The following TECR variants were observed in gnomAD, a reference collection of about 807,000 sequenced individuals.
The protein encoded by TECR is very-long-chain enoyl-CoA reductase.
Under a neutral mutation model 50.6 loss-of-function variants are expected in TECR, and 19 were observed. The ratio of observed to expected loss-of-function variants is 0.38; its 90% CI spans 0.26 to 0.55. The LOEUF (loss-of-function observed/expected upper bound fraction) is 0.55, where lower values mean the gene tolerates loss of function less well. Ranked by LOEUF, TECR falls within the 20% of genes least tolerant of loss-of-function variation. TECR has a pLI of 0.79. For synonymous variants in TECR, 168 were observed against 163.5 expected, an observed-to-expected ratio of 1.03 and a Z score of -0.21; for missense variants, 313 against 408.3, an observed-to-expected ratio of 0.77 and a Z score of 2.01.
chr19:14,551,295 G>C (rs931645650), intron 1 of TECR, among the ~76,000 whole-genome samples: 1 of 151,664 alleles, frequency 6.6e-6, no homozygotes, highest in Non-Finnish European at 1.5e-5. Flanking sequence ...GGCTACTCTC[G>C]AACTCCTGAC....
chr19:14,558,904 AGC>A (rs1232499280), intron 1 of TECR, among the ~76,000 whole-genome samples: 1 of 152,162 alleles, frequency 6.6e-6, no homozygotes, highest in African/African-American at 2.4e-5. Flanking sequence ...GGCTCTGTTC[AGC>A]AGCTGCCTGT....
intron 1 of TECR, among the ~76,000 whole-genome samples, chr19:14,552,256 C>T (rs2073553918): frequency 6.7e-6 from 1 of 149,268 alleles, no homozygotes; most frequent in Non-Finnish European, 1.5e-5. Context: ...GCAGCCTTGA[C>T]CTCCCGGGCT....
intron 1 of TECR, 69 bp downstream of exon 1, chr19:14,529,780 CG>C: frequency 1.2e-6 from 2 of 1,607,190 alleles, no homozygotes; most frequent in Non-Finnish European, 1.7e-6. Context: ...TGCGGGACCA[CG>C]GGACCCCACT....
chr19:14,560,560 G>A (rs1356213586), intron 1 of TECR, among the ~76,000 whole-genome samples: 13 of 152,220 alleles, frequency 8.5e-5, no homozygotes, highest in Non-Finnish European at 1.5e-4. Context: ...TGGTGTGACC[G>A]AGCTCTTTTT....
chr19:14,552,828 G>A (rs2073581159), intron 1 of TECR, among the ~76,000 whole-genome samples: 2 of 152,076 alleles, frequency 1.3e-5, no homozygotes, highest in African/African-American at 4.8e-5. Context: ...GAGCCACTGC[G>A]CCCGGCCCAG....
At chr19:14,536,174 C>G (rs2072891030) in intron 1 of TECR, among the ~76,000 whole-genome samples, 1 of 151,996 alleles carries the variant, frequency 6.6e-6, no homozygotes, top group Non-Finnish European at 1.5e-5. Context: ...GGTGGCAATG[C>G]TTACGGGCTT....
In TECR at chr19:14,559,936, G is replaced by A. The variant is rs760528057; in HGVS notation, c.16-2589G>A. Among the ~76,000 whole-genome samples the A allele has an allele frequency of 4.6e-5, 7 of 152,162 alleles. No homozygotes were observed. In the East Asian group the frequency reaches 7.7e-4, roughly 17 times the overall value. ...GGCAGGAAATGGGAGACGGACGGCC[G>A]TCCCACTGAGGACTCATCCTGCCCA... On this transcript the variant is annotated intron_variant, in intron 1 of 12. Transcript: ENST00000215567.
At chr19:14,564,609 C>T (rs1211799559) in intron 7 of TECR, 177 bp from the exon 8 acceptor site, 2 of 664,914 alleles carry the variant, frequency 3.0e-6, no homozygotes, top group East Asian at 2.8e-5. Flanking sequence ...TCCACCACGC[C>T]CTCACAGAGC....
intron 1 of TECR, among the ~76,000 whole-genome samples, chr19:14,539,777 A>C (rs1599428223): frequency 6.6e-6 from 1 of 151,228 alleles, no homozygotes; most frequent in Admixed American, 6.6e-5. Flanking sequence ...CCCCAGAGAG[A>C]CCTTCCTTGG....
chr19:14,538,369 G>A (rs1253753437), intron 1 of TECR, among the ~76,000 whole-genome samples: 1 of 152,064 alleles, frequency 6.6e-6, no homozygotes, highest in East Asian at 1.9e-4. Context: ...GGGGCCTGTG[G>A]GGGAGTGTGA....
intron 1 of TECR, among the ~76,000 whole-genome samples, chr19:14,553,804 G>A (rs530891760): frequency 6.8e-4 from 103 of 152,300 alleles, no homozygotes; most frequent in Non-Finnish European, 1.2e-3. Flanking sequence ...AGGGAGCTCA[G>A]GCGATGAGTG....
chr19:14,552,506 T>C (rs1376133032), intron 1 of TECR, among the ~76,000 whole-genome samples: 5 of 151,700 alleles, frequency 3.3e-5, no homozygotes, highest in African/African-American at 1.2e-4. Context: ...CCAAGCCACG[T>C]AACAGGCATC....
At position 14,538,820 on chromosome 19, in the gene TECR, C is replaced by T. The variant is rs1055743180; in HGVS notation, c.15+9109C>T. On this transcript the variant is annotated intron_variant, in intron 1 of 12. Coordinates refer to ENST00000215567, the MANE Select transcript of TECR (RefSeq NM_138501.6). The stretch of plus-strand genomic sequence containing the variant: ...TGCTGGGATTATAGGCATGAGCCAC[C>T]ACGCCTGGCTGAGAAAAGCTTCAAA... 5.3e-5 allele frequency among the ~76,000 whole-genome samples: 8 copies of T among 152,120 alleles called. No homozygotes were observed. In the East Asian group the frequency reaches 7.7e-4, roughly 15 times the overall value.
intron 1 of TECR, among the ~76,000 whole-genome samples, chr19:14,548,418 ATG>A (rs546314860): frequency 6.7e-4 from 102 of 152,198 alleles, no homozygotes; most frequent in Admixed American, 6.0e-3. Context: ...TCATGTCCAA[ATG>A]TCAGCACATC....
chr19:14,563,360 G>A lies in TECR; in HGVS notation c.118+103G>A. The A allele has an allele frequency of 8.5e-7, 1 of 1,182,792 alleles. No homozygotes were observed. The highest frequency in any genetic ancestry group is 2.5e-5 in the East Asian group (1 of 40,528). The allele number at this position is 1,182,792 out of a possible 1,614,324, so 73.3% of individuals were successfully genotyped here. ...CACCCCTCTCCCAGGGGCCTGCAGA[G>A]ATGCCCCAGTGTGGCCCAGGCTTCT... is the stretch of plus-strand genomic sequence containing the variant. On this transcript the variant is annotated intron_variant, in intron 3 of 12. Transcript: ENST00000215567. This position sits in a 1 kb window ranked among gnomAD's most constrained non-coding sequence, Gnocchi z 5.3.
intron 1 of TECR, among the ~76,000 whole-genome samples, chr19:14,546,799 C>G (rs1403261997): frequency 1.3e-5 from 2 of 152,170 alleles, no homozygotes; most frequent in African/African-American, 4.8e-5. Context: ...AAGCCATTCT[C>G]CCACCTTAGC....
chr19:14,558,409 C>T (rs1374145268), intron 1 of TECR, among the ~76,000 whole-genome samples: 3 of 152,208 alleles, frequency 2.0e-5, no homozygotes, highest in Non-Finnish European at 4.4e-5. Context: ...CGCCCCTGCT[C>T]CCTCTTGCAG....
chr19:14,554,195 C>T (rs2073639024), intron 1 of TECR, among the ~76,000 whole-genome samples: 2 of 152,162 alleles, frequency 1.3e-5, no homozygotes, highest in African/African-American at 4.8e-5. Flanking sequence ...GCTAATGGCT[C>T]CTGCTCCCTC....
In TECR at chr19:14,563,489, T is replaced by G; in HGVS notation, c.119-169T>G. On this transcript the variant is annotated intron_variant, in intron 3 of 12. Transcript: ENST00000215567. The surrounding 1 kb of genome is among the most constrained non-coding windows in gnomAD (Gnocchi z 5.3). Reference sequence around the variant, plus strand: ...TGCTTCTGCCCGCGCTCTTCTGGCTTGTGTCCTGAAACCGCACAAGCCTGA... The same window carrying G: ...TGCTTCTGCCCGCGCTCTTCTGGCTGGTGTCCTGAAACCGCACAAGCCTGA... 1 of 930,526 alleles carries G rather than the reference T, an allele frequency of 1.1e-6. No homozygotes were observed. The allele number at this position is 930,526 out of a possible 1,614,324, so 57.6% of individuals were successfully genotyped here.
Sources: gnomAD v4.1 joint callset for allele counts (sites outside exome capture counted in the v4.1 genomes callset) on GRCh38, gnomAD v4.1.1 for gene constraint, Gnocchi (gnomAD v3.1) non-coding constraint, MANE v1.5 for transcripts, NCBI Gene and HGNC (gene_info 2026-07-23, HGNC 2026-07-21) for gene names.